Variants in RIN2 observed in about 807,000 individuals in gnomAD.
RIN2 encodes Ras and Rab interactor 2.
In RIN2, 36 loss-of-function variants were observed where a neutral mutation model predicts 78.0. That is an observed-to-expected ratio of 0.46 (90% CI 0.35 to 0.61). RIN2 has a LOEUF of 0.61. Among genes scored for constraint, RIN2 ranks in the 20% least tolerant of loss-of-function variants. RIN2 has a pLI of 0.00. For missense variants in RIN2, 1,087 were observed against 1,159.7 expected (o/e 0.94, Z 0.91); for synonymous variants, 466 against 466.8 (o/e 1.00, Z 0.02).
At chr20:19,923,241 C>T (rs903126418) in intron 3 of RIN2, among the ~76,000 whole-genome samples, 3 of 151,674 alleles carry the variant, frequency 2.0e-5, no homozygotes, top group African/African-American at 7.3e-5. Context: ...TATGTTGAAA[C>T]CCCATCTCTA....
At chr20:19,787,112 A>T (rs553421260) in intron 1 of RIN2, among the ~76,000 whole-genome samples, 1 of 152,278 alleles carries the variant, frequency 6.6e-6, no homozygotes, top group African/African-American at 2.4e-5. Context: ...CATATTTAAC[A>T]TTCTAGGCCA....
rs144646201 is a variant in RIN2 at position 19,847,551 on chromosome 20, C to G, written c.-36-42015C>G. Among the ~76,000 whole-genome samples, 70 of 152,182 alleles carry G rather than the reference C, an allele frequency of 4.6e-4. 1 individual carries two copies. Among genetic ancestry groups the G allele is most frequent in the African/African-American group, 1.4e-3 (60 of 41,510 alleles). ...CAGAGGGGGTTCTAGAAGTGTGGCA[C>G]CCAGCACAGTAGTCCCAGAATACAT... On this transcript the variant is annotated intron_variant, in intron 2 of 12. Transcript: ENST00000255006.
intron 1 of RIN2, among the ~76,000 whole-genome samples, chr20:19,770,746 CA>C (rs2034078900): frequency 1.3e-5 from 2 of 152,090 alleles, no homozygotes; most frequent in African/African-American, 4.8e-5. Flanking sequence ...CAACAATCAC[CA>C]ACACAGAAGC....
rs16981333 is a variant in RIN2, at chr20:19,935,500, T to A, written c.158+301T>A. ...CTACTCCCAATGATGGAAACAGTAA[T>A]GCAGCAAGATCCAGCGTGTGCAAAG... On this transcript the variant is annotated intron_variant, in intron 4 of 12. Transcript: ENST00000255006. 2.6e-6 allele frequency: 3 copies of A among 1,135,344 alleles called. No homozygotes were observed. The East Asian group carries it at 1.5e-4, about 56-fold the overall frequency. The allele number at this position is 1,135,344 out of a possible 1,614,324, so 70.3% of individuals were successfully genotyped here. A position where few individuals can be genotyped will look rare whatever the true frequency, so the allele number is the denominator to read the frequency against.
At chr20:19,930,747 C>T (rs544126120) in intron 3 of RIN2, among the ~76,000 whole-genome samples, 2 of 152,278 alleles carry the variant, frequency 1.3e-5, no homozygotes, top group South Asian at 2.1e-4. Context: ...CTTCAGCAGA[C>T]GTACCCAAAC....
intron 3 of RIN2, among the ~76,000 whole-genome samples, chr20:19,924,303 T>C (rs115031120): frequency 3.8e-4 from 3 of 7,888 alleles, no homozygotes; most frequent in Non-Finnish European, 5.4e-4. Flanking sequence ...ACCTCCATAC[T>C]CCACCTTCAT....
At chr20:19,874,086 T>TGTGTGTGTGTGTG (rs55827998) in intron 2 of RIN2, among the ~76,000 whole-genome samples, 2 of 145,674 alleles carry the variant, frequency 1.4e-5, no homozygotes, top group Non-Finnish European at 3.0e-5. Context: ...GTGTGTGTGT[T>TGTGTGTGTGTGTG]TGTGTGTGTT....
intron 10 of RIN2, 67 bp from the exon 11 acceptor site, chr20:19,992,101 G>T (rs2042814415): frequency 1.9e-6 from 3 of 1,558,110 alleles, no homozygotes; most frequent in Non-Finnish European, 2.6e-6. Flanking sequence ...AATAAAAGCA[G>T]CAAGAAGGAT....
chr20:19,829,852 G>C (rs947315999), intron 2 of RIN2, among the ~76,000 whole-genome samples: 9 of 152,174 alleles, frequency 5.9e-5, no homozygotes, highest in African/African-American at 2.2e-4. Flanking sequence ...CATGGCCCCT[G>C]ACCACAAAAT....
intron 3 of RIN2, among the ~76,000 whole-genome samples, chr20:19,909,188 C>T (rs1166202177): frequency 6.6e-6 from 1 of 151,956 alleles, no homozygotes; most frequent in East Asian, 1.9e-4. Flanking sequence ...TGTTAGTAAC[C>T]CACTGAGGCC....
chr20:19,795,022 C>T (rs2035009356), intron 1 of RIN2, among the ~76,000 whole-genome samples: 1 of 152,162 alleles, frequency 6.6e-6, no homozygotes, highest in African/African-American at 2.4e-5. Flanking sequence ...TTGCATTTCT[C>T]TTAGGAACAC....
intron 4 of RIN2, among the ~76,000 whole-genome samples, chr20:19,945,083 A>G (rs1192235205): frequency 6.6e-6 from 1 of 152,140 alleles, no homozygotes; most frequent in Non-Finnish European, 1.5e-5. Context: ...TTGCTAACAG[A>G]TTCCTTTTTT....
chr20:19,853,012 T>C (rs6035458), intron 2 of RIN2, among the ~76,000 whole-genome samples: 4 of 148,062 alleles, frequency 2.7e-5, no homozygotes, highest in South Asian at 2.2e-4. Context: ...TAGGTATATC[T>C]CCTAATGCTA....
chr20:19,759,485 A>G (rs1246776783), intron 1 of RIN2, among the ~76,000 whole-genome samples: 2 of 152,242 alleles, frequency 1.3e-5, no homozygotes, highest in Non-Finnish European at 2.9e-5. Flanking sequence ...ATTTTAATAC[A>G]ATCTTTTTAA....
intron 2 of RIN2, among the ~76,000 whole-genome samples, chr20:19,865,513 G>A (rs1301799465): frequency 3.3e-5 from 3 of 89,956 alleles, no homozygotes; most frequent in African/African-American, 5.4e-5. Context: ...TGGCAACAGT[G>A]TCTTGCTCTG....
At chr20:19,939,067 G>T (rs2040761288) in intron 4 of RIN2, among the ~76,000 whole-genome samples, 1 of 152,306 alleles carries the variant, frequency 6.6e-6, no homozygotes, top group South Asian at 2.1e-4. Flanking sequence ...CTTTGAGACA[G>T]AATCTCGCTC....
At chr20:19,989,850 C>T (rs887663259) in intron 9 of RIN2, among the ~76,000 whole-genome samples, 156 bp from the exon 10 acceptor site, 2 of 152,200 alleles carry the variant, frequency 1.3e-5, no homozygotes, top group African/African-American at 4.8e-5. Flanking sequence ...TGAGTTATGG[C>T]GCTGCTTGGT....
intron 2 of RIN2, among the ~76,000 whole-genome samples, chr20:19,874,562 T>A (rs1472883993): frequency 6.6e-6 from 1 of 152,174 alleles, no homozygotes; most frequent in Admixed American, 6.6e-5. Context: ...AATGCACCTT[T>A]CTTTGGCTGC....
intron 1 of RIN2, among the ~76,000 whole-genome samples, chr20:19,779,407 C>T (rs1383559798): frequency 6.6e-6 from 1 of 152,206 alleles, no homozygotes; most frequent in East Asian, 1.9e-4. Context: ...CTGGGCTGGG[C>T]ATCCCAGAGA....
Sources: gnomAD v4.1 joint callset for allele counts (sites outside exome capture counted in the v4.1 genomes callset) on GRCh38, gnomAD v4.1.1 for gene constraint, MANE v1.5 for transcripts, NCBI Gene and HGNC (gene_info 2026-07-23, HGNC 2026-07-21) for gene names.